ATP8A2: variants seen among roughly 807,000 people sequenced by gnomAD.
ATP8A2 encodes phospholipid-transporting ATPase IB.
Under a neutral mutation model 165.6 loss-of-function variants are expected in ATP8A2, and 100 were observed. The ratio of observed to expected loss-of-function variants is 0.60; its 90% confidence interval spans 0.51 to 0.71. ATP8A2 has a LOEUF of 0.71. Among genes scored for constraint, ATP8A2 ranks in the 30% least tolerant of loss-of-function variants. The pLI is 0.00. For missense variants in ATP8A2, 1,227 were observed against 1,479.5 expected, an observed-to-expected ratio of 0.83 and a Z score of 2.80; for synonymous variants, 543 against 548.8, an observed-to-expected ratio of 0.99 and a Z score of 0.15.
chr13:25,872,463 T>C (rs1952705084), intron 33 of ATP8A2, among the ~76,000 whole-genome samples: 1 of 152,202 alleles, frequency 6.6e-6, no homozygotes, highest in African/African-American at 2.4e-5. Context: ...TGTCGTTCTA[T>C]AGCAGAAACA....
chr13:25,625,420 G>T (rs528733610), intron 24 of ATP8A2, among the ~76,000 whole-genome samples: 1 of 152,314 alleles, frequency 6.6e-6, no homozygotes, highest in South Asian at 2.1e-4. Context: ...AATTACAAGT[G>T]CTACTATAGT....
chr13:25,753,695 CT>C (rs2044202597), intron 25 of ATP8A2, among the ~76,000 whole-genome samples: 1 of 152,168 alleles, frequency 6.6e-6, no homozygotes, highest in South Asian at 2.1e-4. Flanking sequence ...GATATTTTGT[CT>C]TTGGAACTGG....
chr13:25,885,975 G>A (rs946421490), intron 33 of ATP8A2, among the ~76,000 whole-genome samples: 2 of 152,164 alleles, frequency 1.3e-5, no homozygotes, highest in Admixed American at 1.3e-4. Flanking sequence ...TTCGGTGGGG[G>A]TGAGAATACA....
intron 2 of ATP8A2, among the ~76,000 whole-genome samples, chr13:25,516,516 G>C (rs1005339974): frequency 6.6e-6 from 1 of 152,196 alleles, no homozygotes; most frequent in Non-Finnish European, 1.5e-5. Context: ...ATATGTTTTA[G>C]TGTTAGAGTT....
chr13:26,008,807 G>A (rs539612722), intron 35 of ATP8A2, among the ~76,000 whole-genome samples: 30 of 152,334 alleles, frequency 2.0e-4, no homozygotes, highest in African/African-American at 5.3e-4. Context: ...GTGTTCTGAA[G>A]TGTTTGCATT....
At chr13:25,966,389 T>C (rs1955777732) in intron 34 of ATP8A2, among the ~76,000 whole-genome samples, 1 of 152,246 alleles carries the variant, frequency 6.6e-6, no homozygotes, top group Non-Finnish European at 1.5e-5. Context: ...ATATTAATTT[T>C]AGACCACTCA....
rs776427926 is a variant in ATP8A2 at position 25,895,453 on chromosome 13, T to A, written c.3183+33045T>A. 5.2e-4 allele frequency among the ~76,000 whole-genome samples: 79 copies of A among 152,376 alleles called. 1 individual carries two copies. In the South Asian group the frequency reaches 5.8e-3, roughly 11 times the overall value. On this transcript the variant is annotated intron_variant, in intron 33 of 36. Coordinates refer to ENST00000381655, the MANE Select transcript of ATP8A2 (RefSeq NM_016529.6). ...GGTTTGCCAGTATTTTATTGAGGATTTTTGCATCAATGTTCATCAAGGATA... is the reference window on the plus strand; with the variant it reads ...GGTTTGCCAGTATTTTATTGAGGATATTTGCATCAATGTTCATCAAGGATA...
intron 33 of ATP8A2, among the ~76,000 whole-genome samples, chr13:25,955,720 C>G (rs191558855): frequency 6.6e-6 from 1 of 152,300 alleles, no homozygotes; most frequent in Admixed American, 6.5e-5. Context: ...GGTACCATTC[C>G]TTCTGGAACT....
chr13:25,530,797 AG>A lies in ATP8A2; in HGVS notation c.420+142del, dbSNP rs2038006435. 1.4e-5 allele frequency: 9 copies of A among 621,578 alleles called. No homozygotes were observed. The South Asian group carries it at 1.5e-4, about 11-fold the overall frequency. 38.5% of individuals were successfully genotyped at this position (621,578 alleles called of 1,614,324 possible). A position where few individuals can be genotyped will look rare whatever the true frequency, so the allele number is the denominator to read the frequency against. ...TCTTTAGACACCTGATGGTATTTTT[AG>A]GGGGAGTTAATGTATACTCAGAGTG... On this transcript the variant is annotated intron_variant, in intron 4 of 36. Coordinates refer to ENST00000381655, the MANE Select transcript of ATP8A2 (RefSeq NM_016529.6).
intron 24 of ATP8A2, among the ~76,000 whole-genome samples, chr13:25,598,322 T>G (rs2040291786): frequency 6.6e-6 from 1 of 152,220 alleles, no homozygotes; most frequent in African/African-American, 2.4e-5. Context: ...AAGACTGTTT[T>G]GGTCGTTTCA....
intron 27 of ATP8A2, among the ~76,000 whole-genome samples, chr13:25,781,521 C>T (rs571624289): frequency 6.6e-6 from 1 of 152,028 alleles, no homozygotes; most frequent in Non-Finnish European, 1.5e-5. Context: ...TGGAGTCTCA[C>T]TCTGTCACCC....
intron 35 of ATP8A2, among the ~76,000 whole-genome samples, chr13:25,971,279 G>A (rs537408944): frequency 4.0e-4 from 61 of 151,674 alleles, no homozygotes; most frequent in Non-Finnish European, 7.9e-4. Context: ...CAGAGTCTAT[G>A]CTGTCCTGCT....
intron 6 of ATP8A2, among the ~76,000 whole-genome samples, chr13:25,537,701 A>T (rs1311395199): frequency 6.6e-6 from 1 of 152,176 alleles, no homozygotes; most frequent in Non-Finnish European, 1.5e-5. Flanking sequence ...TGGATGCATA[A>T]TTGTAAGAAA....
intron 33 of ATP8A2, among the ~76,000 whole-genome samples, chr13:25,897,501 A>C (rs1953594402): frequency 1.3e-5 from 2 of 152,046 alleles, no homozygotes; most frequent in Admixed American, 1.3e-4. Context: ...TGAATGTGAC[A>C]ATTATGTGTC....
intron 27 of ATP8A2, among the ~76,000 whole-genome samples, chr13:25,784,994 G>C (rs544011429): frequency 6.6e-6 from 1 of 151,774 alleles, no homozygotes; most frequent in Non-Finnish European, 1.5e-5. Context: ...CAAACTCCTA[G>C]CCTCATGATC....
intron 33 of ATP8A2, among the ~76,000 whole-genome samples, chr13:25,942,563 C>T (rs1230228846): frequency 1.3e-5 from 2 of 152,166 alleles, no homozygotes; most frequent in Admixed American, 1.3e-4. Context: ...GCTGGGATTA[C>T]AGGTGCGTAC....
intron 27 of ATP8A2, among the ~76,000 whole-genome samples, chr13:25,801,875 A>G (rs1950629297): frequency 6.6e-6 from 1 of 152,128 alleles, no homozygotes; most frequent in Non-Finnish European, 1.5e-5. Context: ...CCTTCTTCAC[A>G]TGGCAGCATC....
chr13:25,739,216 G>A (rs2043853861), intron 25 of ATP8A2, among the ~76,000 whole-genome samples: 1 of 152,214 alleles, frequency 6.6e-6, no homozygotes, highest in East Asian at 1.9e-4. Context: ...GCTAATGCAG[G>A]GCCCAGGGCA....
intron 1 of ATP8A2, among the ~76,000 whole-genome samples, chr13:25,402,418 G>A (rs1198777966): frequency 1.3e-5 from 2 of 152,150 alleles, no homozygotes; most frequent in Admixed American, 6.5e-5. Context: ...TAGGGTATGA[G>A]TATCTTTCTG....
Sources: gnomAD v4.1 joint callset for allele counts (sites outside exome capture counted in the v4.1 genomes callset) on GRCh38, gnomAD v4.1.1 for gene constraint, MANE v1.5 for transcripts, NCBI Gene and HGNC (gene_info 2026-07-23, HGNC 2026-07-21) for gene names.